Variants in GLT1D1 observed in about 807,000 individuals in gnomAD.
GLT1D1 encodes glycosyltransferase 1 domain containing 1, also known as glycosyltransferase 1 domain-containing protein 1.
In GLT1D1, 21 loss-of-function variants were observed where a neutral mutation model predicts 28.7. The observed-to-expected ratio is 0.73, with a 90% confidence interval of 0.52 to 1.05. The LOEUF is 1.05. Ranked by LOEUF, GLT1D1 falls within the 50% of genes least tolerant of loss-of-function variation. The pLI is 0.00. For missense variants in GLT1D1, 343 were observed against 330.6 expected (o/e 1.04, Z -0.29); for synonymous variants, 147 against 124.8 (o/e 1.18, Z -1.19).
At chr12:128,914,834 A>T in intron 4 of GLT1D1, 99 bp from the exon 6 acceptor site, 1 of 838,254 alleles carries the variant, frequency 1.2e-6, no homozygotes, top group Non-Finnish European at 1.9e-6. Context: ...TAATAAGAAT[A>T]ATAGTAATAA....
intron 2 of GLT1D1, among the ~76,000 whole-genome samples, chr12:128,882,753 G>A (rs535370008): frequency 6.6e-6 from 1 of 152,176 alleles, no homozygotes; most frequent in Non-Finnish European, 1.5e-5. Flanking sequence ...GAACTTTACA[G>A]GTATCCTTAA....
chr12:128,888,084 C>T (rs544550714), intron 2 of GLT1D1, among the ~76,000 whole-genome samples: 15 of 152,206 alleles, frequency 9.9e-5, no homozygotes, highest in East Asian at 1.9e-4. Context: ...AATTCTTTCC[C>T]ACTTTATGCG....
intron 4 of GLT1D1, among the ~76,000 whole-genome samples, chr12:128,933,124 C>T (rs1028607695): frequency 2.0e-5 from 3 of 150,700 alleles, no homozygotes; most frequent in Non-Finnish European, 4.4e-5. Flanking sequence ...CACTCCTCTC[C>T]GGGAGAGAGA....
At chr12:128,976,709 C>A (rs911865423) in intron 7 of GLT1D1, among the ~76,000 whole-genome samples, 1 of 152,186 alleles carries the variant, frequency 6.6e-6, no homozygotes, top group African/African-American at 2.4e-5. Flanking sequence ...AAAACCGTAA[C>A]GTTTTAAATC....
At chr12:128,901,439 A>ATT (rs35060673) in intron 4 of GLT1D1, among the ~76,000 whole-genome samples, 3 of 141,208 alleles carry the variant, frequency 2.1e-5, no homozygotes, top group Admixed American at 7.2e-5. Context: ...TCTCTCTCTC[A>ATT]TTTTTTTTTT....
At chr12:128,879,478 C>A (rs1956985130) in intron 2 of GLT1D1, among the ~76,000 whole-genome samples, 1 of 127,414 alleles carries the variant, frequency 7.8e-6, no homozygotes, top group African/African-American at 3.1e-5. Context: ...GGGGGGTGGG[C>A]AGAGTCTCAC....
intron 7 of GLT1D1, among the ~76,000 whole-genome samples, chr12:128,974,018 G>T (rs1407288361): frequency 6.6e-6 from 1 of 151,650 alleles, no homozygotes; most frequent in East Asian, 1.9e-4. Context: ...GGGACAGTCT[G>T]GGTCTAGATG....
At chr12:128,879,410 C>T (rs1160170388) in intron 2 of GLT1D1, among the ~76,000 whole-genome samples, 2 of 94,022 alleles carry the variant, frequency 2.1e-5, no homozygotes, top group African/African-American at 9.4e-5. Context: ...TTCTTTCTTT[C>T]TTTCTTTCTT....
chr12:128,865,217 A>G (rs1248997502), intron 1 of GLT1D1, among the ~76,000 whole-genome samples: 1 of 152,232 alleles, frequency 6.6e-6, no homozygotes, highest in Non-Finnish European at 1.5e-5. Context: ...CCCAAAGCCC[A>G]GCACATCCCA....
At chr12:128,904,100 C>T (rs1870589749) in intron 4 of GLT1D1, among the ~76,000 whole-genome samples, 1 of 151,844 alleles carries the variant, frequency 6.6e-6, no homozygotes, top group South Asian at 2.1e-4. Context: ...CCTTTATGTG[C>T]CCATGACCCA....
intron 4 of GLT1D1, among the ~76,000 whole-genome samples, chr12:128,925,387 C>T (rs904121072): frequency 1.3e-5 from 2 of 152,212 alleles, no homozygotes; most frequent in African/African-American, 4.8e-5. Context: ...CCCATGTGTC[C>T]ATGTGCTCTC....
chr12:128,885,796 T>C (rs1288169742), intron 2 of GLT1D1, among the ~76,000 whole-genome samples: 9 of 152,226 alleles, frequency 5.9e-5, no homozygotes, highest in Non-Finnish European at 5.9e-5. Flanking sequence ...GTGTATCTTT[T>C]AGGTGTCTAT....
intron 7 of GLT1D1, among the ~76,000 whole-genome samples, chr12:128,960,971 G>A (rs1483972824): frequency 1.3e-5 from 2 of 152,224 alleles, no homozygotes; most frequent in Admixed American, 6.5e-5. Flanking sequence ...AAAGAAACCC[G>A]ATATAAAAAG....
chr12:128,908,347 C>A (rs200650234), intron 4 of GLT1D1, among the ~76,000 whole-genome samples: 19 of 105,512 alleles, frequency 1.8e-4, no homozygotes, highest in African/African-American at 5.8e-4. Flanking sequence ...TCTTTCTTTC[C>A]CTTTCTTTCT....
At position 128,974,919 on chromosome 12, in the gene GLT1D1, G is replaced by A. The variant is rs1879619172; in HGVS notation, c.640-8010G>A. 2.0e-5 allele frequency among the ~76,000 whole-genome samples: 3 copies of A among 152,356 alleles called. 1 individual carries two copies. Among genetic ancestry groups the A allele is most frequent in the South Asian group, 2.1e-4 (1 of 4,834 alleles). ...CCAGCTCTCTCTTCGCTAAAGAAGT[G>A]TTGAAGAAAGAAGCATTTGCCCCTC... On this transcript the variant is annotated intron_variant, in intron 7 of 7. Transcript: ENST00000281703.
chr12:128,953,309 C>T (rs1876919363), intron 6 of GLT1D1, among the ~76,000 whole-genome samples: 1 of 152,054 alleles, frequency 6.6e-6, no homozygotes, highest in East Asian at 1.9e-4. Context: ...TAATGGTTTC[C>T]ATTGAAGCTC....
chr12:128,920,981 A>C (rs1366371418), intron 4 of GLT1D1, among the ~76,000 whole-genome samples: 1 of 152,182 alleles, frequency 6.6e-6, no homozygotes, highest in Non-Finnish European at 1.5e-5. Context: ...TCTTTGTTAA[A>C]AGCTAAGAAT....
chr12:128,873,947 C>T (rs866137679), intron 1 of GLT1D1, among the ~76,000 whole-genome samples: 5 of 132,236 alleles, frequency 3.8e-5, no homozygotes, highest in South Asian at 5.4e-4. Flanking sequence ...TTCTTTCTTT[C>T]TTTCCTTCTG....
At chr12:128,952,270 G>C (rs1315301307) in intron 6 of GLT1D1, among the ~76,000 whole-genome samples, 2 of 151,810 alleles carry the variant, frequency 1.3e-5, no homozygotes, top group Non-Finnish European at 2.9e-5. Context: ...TGGGTGGCGG[G>C]GATGTGCTCA....
Sources: gnomAD v4.1 joint callset for allele counts (sites outside exome capture counted in the v4.1 genomes callset) on GRCh38, gnomAD v4.1.1 for gene constraint, MANE v1.5 for transcripts, NCBI Gene and HGNC (gene_info 2026-07-23, HGNC 2026-07-21) for gene names.